The following NEBL variants were observed in gnomAD, a reference collection of about 807,000 sequenced individuals.
NEBL encodes the protein LIM and SH3 protein 2.
In NEBL, 122 loss-of-function variants were observed where a neutral mutation model predicts 140.2. That is an observed-to-expected ratio of 0.87 (90% CI 0.75 to 1.01). NEBL has a LOEUF of 1.01. NEBL is among the 50% of genes least tolerant of loss of function. The pLI, the probability that NEBL is intolerant of heterozygous loss-of-function variation, is 0.00. For missense variants in NEBL, 1,365 were observed against 1,231.3 expected (o/e 1.11, Z -1.62); for synonymous variants, 436 against 398.9 (o/e 1.09, Z -1.11).
At chr10:21,254,285 A>T (rs1415103483) in intron 1 of NEBL, among the ~76,000 whole-genome samples, 1 of 152,076 alleles carries the variant, frequency 6.6e-6, no homozygotes, top group Non-Finnish European at 1.5e-5. Flanking sequence ...CTACAGGCAC[A>T]TTCCACCATG....
At chr10:21,040,774 A>C (rs1242865395) in intron 2 of NEBL, among the ~76,000 whole-genome samples, 1 of 152,096 alleles carries the variant, frequency 6.6e-6, no homozygotes, top group Non-Finnish European at 1.5e-5. Context: ...AGCTGATTGG[A>C]TCATGGGGGG....
intron 3 of NEBL, among the ~76,000 whole-genome samples, chr10:21,226,128 C>T (rs984248383): frequency 1.2e-4 from 19 of 152,016 alleles, no homozygotes; most frequent in Non-Finnish European, 2.5e-4. Context: ...CTGTGTCCCT[C>T]TCTTTAAGGC....
chr10:21,010,605 C>A (rs976647784), intron 3 of NEBL, among the ~76,000 whole-genome samples: 6 of 147,796 alleles, frequency 4.1e-5, no homozygotes, highest in African/African-American at 7.4e-5. Context: ...CAAAGCCATT[C>A]AAAAAAAAAT....
intron 3 of NEBL, among the ~76,000 whole-genome samples, chr10:21,014,332 T>C (rs1184363767): frequency 6.6e-6 from 1 of 152,046 alleles, no homozygotes; most frequent in Non-Finnish European, 1.5e-5. Context: ...CACTAGACCA[T>C]AAACCCCCTG....
At chr10:20,809,012 C>A (rs1359452850) in intron 25 of NEBL, among the ~76,000 whole-genome samples, 1 of 152,056 alleles carries the variant, frequency 6.6e-6, no homozygotes, top group Non-Finnish European at 1.5e-5. Flanking sequence ...TATGTGTTGC[C>A]TTTTCTTTAT....
chr10:21,232,118 C>T (rs1842273244), intron 3 of NEBL, among the ~76,000 whole-genome samples: 1 of 152,124 alleles, frequency 6.6e-6, no homozygotes, highest in Non-Finnish European at 1.5e-5. Flanking sequence ...CCAACTGCCA[C>T]AGGGTTGTTG....
chr10:21,012,340 T>TTG (rs1377505799), intron 3 of NEBL, among the ~76,000 whole-genome samples: 16 of 151,994 alleles, frequency 1.1e-4, no homozygotes, highest in African/African-American at 3.9e-4. Flanking sequence ...AATGCATTGA[T>TTG]TGTGTATATA....
chr10:20,990,939 A>G (rs139440501), intron 3 of NEBL, among the ~76,000 whole-genome samples: 220 of 152,186 alleles, frequency 1.4e-3, no homozygotes, highest in African/African-American at 5.1e-3. Flanking sequence ...TTCCTGCCCC[A>G]CTACTCAGTC....
intron 3 of NEBL, among the ~76,000 whole-genome samples, chr10:20,967,385 T>C (rs369351624): frequency 3.9e-4 from 60 of 152,322 alleles, no homozygotes; most frequent in African/African-American, 1.3e-3. Context: ...CCCAGCACTT[T>C]GGGAGGCCGG....
intron 2 of NEBL, among the ~76,000 whole-genome samples, chr10:21,080,724 T>C (rs922015662): frequency 1.3e-5 from 2 of 152,164 alleles, no homozygotes; most frequent in Admixed American, 1.3e-4. Flanking sequence ...GAAGGAGGTG[T>C]CCAACCTGTT....
chr10:20,973,792 C>G (rs933013685), intron 3 of NEBL, among the ~76,000 whole-genome samples: 5 of 152,192 alleles, frequency 3.3e-5, no homozygotes, highest in Admixed American at 3.3e-4. Flanking sequence ...GAATCTTTCT[C>G]TCTAGTGAAT....
At chr10:21,045,033 T>C (rs1034190789) in intron 2 of NEBL, among the ~76,000 whole-genome samples, 2 of 152,258 alleles carry the variant, frequency 1.3e-5, no homozygotes, top group African/African-American at 4.8e-5. Context: ...ACGTTAATTA[T>C]AGACTATTTT....
intron 1 of NEBL, among the ~76,000 whole-genome samples, chr10:21,254,435 G>C (rs1353799272): frequency 1.3e-5 from 2 of 151,888 alleles, no homozygotes; most frequent in Non-Finnish European, 2.9e-5. Context: ...TAATGTAATT[G>C]TTTATTGTCT....
chr10:20,825,939 G>A (rs1216102982), intron 18 of NEBL, among the ~76,000 whole-genome samples: 1 of 152,140 alleles, frequency 6.6e-6, no homozygotes, highest in Non-Finnish European at 1.5e-5. Context: ...AAACAGGCTG[G>A]AAAGAAGAAA....
chr10:20,804,453 T>C (rs1837424777), intron 26 of NEBL: 1 of 152,132 alleles, frequency 6.6e-6, no homozygotes, highest in Non-Finnish European at 1.5e-5. Flanking sequence ...ACCCTACCAT[T>C]ATGGCCTCTA....
chr10:20,849,808 G>A (rs61855734), intron 11 of NEBL, among the ~76,000 whole-genome samples: 1 of 152,106 alleles, frequency 6.6e-6, no homozygotes, highest in Non-Finnish European at 1.5e-5. Context: ...ATTTTGACCA[G>A]GTGCTAAAAC....
chr10:21,073,640 C>A (rs903059377), intron 2 of NEBL, among the ~76,000 whole-genome samples: 3 of 144,170 alleles, frequency 2.1e-5, no homozygotes, highest in East Asian at 2.1e-4. Flanking sequence ...AAAAAAAAGT[C>A]TTTATTTCAA....
At chr10:20,947,546 G>T (rs541451637) in intron 4 of NEBL, among the ~76,000 whole-genome samples, 95 of 152,202 alleles carry the variant, frequency 6.2e-4, no homozygotes, top group African/African-American at 2.1e-3. Flanking sequence ...AGATATAATT[G>T]TAACAGTCAC....
chr10:21,259,863 A>G (rs1842715365), intron 1 of NEBL, among the ~76,000 whole-genome samples: 1 of 152,178 alleles, frequency 6.6e-6, no homozygotes, highest in Admixed American at 6.5e-5. Flanking sequence ...GTGGAACAGG[A>G]AGGTGCAAGA....
Sources: gnomAD v4.1 joint callset for allele counts (sites outside exome capture counted in the v4.1 genomes callset) on GRCh38, gnomAD v4.1.1 for gene constraint, MANE v1.5 for transcripts, NCBI Gene and HGNC (gene_info 2026-07-23, HGNC 2026-07-21) for gene names.